Variants in ADAMTS18 observed in about 807,000 individuals in gnomAD.
ADAMTS18 encodes ADAM metallopeptidase with thrombospondin type 1 motif 18, also known as A disintegrin and metalloproteinase with thrombospondin motifs 18.
In ADAMTS18, 157 loss-of-function variants were observed where a neutral mutation model predicts 165.9. The observed-to-expected ratio is 0.95, with a 90% confidence interval of 0.83 to 1.08. The LOEUF is 1.08. Among genes scored for constraint, ADAMTS18 ranks in the 50% least tolerant of loss-of-function variants. The pLI, the probability that ADAMTS18 is intolerant of heterozygous loss-of-function variation, is 0.00. For missense variants in ADAMTS18, 2,040 were observed against 1,534.0 expected, an observed-to-expected ratio of 1.33 and a Z score of -5.51; for synonymous variants, 782 against 578.2, an observed-to-expected ratio of 1.35 and a Z score of -5.06.
chr16:77,372,575 T>G (rs1376971730), intron 3 of ADAMTS18, among the ~76,000 whole-genome samples: 1 of 152,202 alleles, frequency 6.6e-6, no homozygotes, highest in Non-Finnish European at 1.5e-5. Context: ...TGGTCCTGTT[T>G]CAGGCATTGC....
intron 11 of ADAMTS18, 92 bp from the exon 12 acceptor site, chr16:77,335,996 G>T: frequency 6.7e-7 from 1 of 1,499,462 alleles, no homozygotes; most frequent in African/African-American, 1.4e-5. Flanking sequence ...AGGAAAAACA[G>T]GTCTGTTGGG....
chr16:77,394,606 G>T (rs1024669157), intron 3 of ADAMTS18, among the ~76,000 whole-genome samples: 1 of 152,136 alleles, frequency 6.6e-6, no homozygotes, highest in African/African-American at 2.4e-5. Flanking sequence ...ATCTATTACA[G>T]ATTAAGATAA....
chr16:77,339,246 T>C (rs1164595058), intron 11 of ADAMTS18, among the ~76,000 whole-genome samples: 2 of 152,100 alleles, frequency 1.3e-5, no homozygotes, highest in Non-Finnish European at 2.9e-5. Context: ...ATGAATGTAA[T>C]AATCATTACA....
At chr16:77,401,838 C>T (rs1164803692) in intron 3 of ADAMTS18, among the ~76,000 whole-genome samples, 1 of 152,148 alleles carries the variant, frequency 6.6e-6, no homozygotes, top group African/African-American at 2.4e-5. Flanking sequence ...GCAAGGATAT[C>T]CATCTTCTTC....
intron 5 of ADAMTS18, 55 bp from the exon 6 acceptor site, chr16:77,363,940 G>T: frequency 6.6e-7 from 1 of 1,516,164 alleles, no homozygotes; most frequent in Non-Finnish European, 9.2e-7. Context: ...ACCTTAGGGG[G>T]AATCAATCAG....
intron 10 of ADAMTS18, among the ~76,000 whole-genome samples, chr16:77,352,440 T>C (rs1185307377): frequency 6.6e-6 from 1 of 152,168 alleles, no homozygotes; most frequent in Non-Finnish European, 1.5e-5. Flanking sequence ...AATTCCACCA[T>C]TTAAAAGTTT....
chr16:77,289,478 A>C, intron 21 of ADAMTS18, 67 bp from the exon 22 acceptor site: 1 of 1,570,386 alleles, frequency 6.4e-7, no homozygotes, highest in Non-Finnish European at 8.7e-7. Context: ...AAACAGAAGG[A>C]ATTCCCATGC....
chr16:77,284,557 G>C (rs749328501), intron 22 of ADAMTS18, among the ~76,000 whole-genome samples: 1 of 151,956 alleles, frequency 6.6e-6, no homozygotes, highest in East Asian at 1.9e-4. Flanking sequence ...ATTAAACATT[G>C]GGACTTTGGT....
At chr16:77,429,280 T>C (rs1043602416) in intron 3 of ADAMTS18, among the ~76,000 whole-genome samples, 7 of 152,196 alleles carry the variant, frequency 4.6e-5, no homozygotes, top group African/African-American at 1.4e-4. Context: ...ATCAGGTCTT[T>C]TGCAGGAACG....
rs145038992 is a variant in ADAMTS18, at chr16:77,426,563, G to T, written c.495+4732C>A. 7.1e-4 allele frequency among the ~76,000 whole-genome samples: 108 copies of T among 152,280 alleles called. 2 individuals carry two copies. In the East Asian group the frequency reaches 0.021, roughly 29 times the overall value. On this transcript the variant is annotated intron_variant, in intron 3 of 22. Coordinates refer to ENST00000282849, the MANE Select transcript of ADAMTS18 (RefSeq NM_199355.4). ...TTGTTTCAGGGTTGAATCACAGCTT[G>T]GTTCACAATAAAAATAGCAGTTGCC...
intron 19 of ADAMTS18, 38 bp downstream of exon 19, chr16:77,294,885 G>A (rs2055435827): frequency 6.2e-7 from 1 of 1,603,306 alleles, no homozygotes; most frequent in East Asian, 2.2e-5. Context: ...GCCTTCATGG[G>A]GACCGAGAAT....
At chr16:77,292,130 G>T (rs2144567601) in intron 20 of ADAMTS18, among the ~76,000 whole-genome samples, 1 of 150,704 alleles carries the variant, frequency 6.6e-6, no homozygotes, top group Admixed American at 6.6e-5. Flanking sequence ...ACATGGTGAA[G>T]CCTCAGCAAC....
intron 11 of ADAMTS18, among the ~76,000 whole-genome samples, chr16:77,337,908 C>CTTTTCT (rs542622872): frequency 9.2e-5 from 13 of 140,840 alleles, no homozygotes; most frequent in African/African-American, 2.6e-4. Context: ...CTTTTCTTTT[C>CTTTTCT]TTTTTTTTTT....
In ADAMTS18 at chr16:77,325,913, G is replaced by C. The variant is rs747420099; in HGVS notation, c.1985C>G (p.Pro662Arg). The C allele has an allele frequency of 7.1e-5, 115 of 1,614,024 alleles. No individual in the cohort carries two copies. In the East Asian group the frequency reaches 1.3e-3, roughly 18 times the overall value. Reference protein sequence around the residue: ...AQQCAEYNSKPFRGWFYQWKP... With the variant: ...AQQCAEYNSKRFRGWFYQWKP... ...CCACTGGTAGAACCATCCACGGAAA[G>C]GTTTGCTGTTATATTCTGCACACTG... The change falls in exon 13 of 23, where the codon CCT becomes CGT. Residue 662 changes from proline to arginine, a missense_variant. Coordinates refer to ENST00000282849, the MANE Select transcript of ADAMTS18 (RefSeq NM_199355.4).
At chr16:77,336,802 AC>A (rs2056317941) in intron 11 of ADAMTS18, among the ~76,000 whole-genome samples, 1 of 151,872 alleles carries the variant, frequency 6.6e-6, no homozygotes. Context: ...TTTGTTGCCT[AC>A]CCCCAATCCC....
intron 2 of ADAMTS18, among the ~76,000 whole-genome samples, chr16:77,432,252 GGAT>G (rs1443274302): frequency 2.0e-5 from 3 of 152,128 alleles, no homozygotes; most frequent in African/African-American, 7.2e-5. Context: ...GCTTTCACAG[GGAT>G]GATCCCATTT....
chr16:77,384,350 A>C (rs1227650060), intron 3 of ADAMTS18, among the ~76,000 whole-genome samples: 1 of 152,202 alleles, frequency 6.6e-6, no homozygotes, highest in Non-Finnish European at 1.5e-5. Flanking sequence ...CATATCAAGG[A>C]AACAATTATT....
intron 3 of ADAMTS18, among the ~76,000 whole-genome samples, chr16:77,401,660 G>T (rs2057333278): frequency 6.6e-6 from 1 of 152,184 alleles, no homozygotes; most frequent in South Asian, 2.1e-4. Flanking sequence ...TTATTTCTGG[G>T]TGTGTCTATG....
intron 3 of ADAMTS18, among the ~76,000 whole-genome samples, chr16:77,379,212 C>A (rs971213190): frequency 5.9e-5 from 9 of 152,166 alleles, no homozygotes; most frequent in African/African-American, 1.7e-4. Context: ...ATTAACTTCA[C>A]CACCATAAGG....
Sources: allele counts gnomAD v4.1 joint callset (sites outside exome capture counted in the v4.1 genomes callset), GRCh38; gene constraint gnomAD v4.1.1; transcripts MANE v1.5; gene names NCBI Gene and HGNC (gene_info 2026-07-23, HGNC 2026-07-21).